Variants in LRRC63 observed in about 807,000 individuals in gnomAD.
LRRC63 encodes the protein leucine rich repeat containing 63.
In LRRC63, 40 loss-of-function variants were observed where a neutral mutation model predicts 49.5. That is an observed-to-expected ratio of 0.81 (90% CI 0.63 to 1.05). The LOEUF (loss-of-function observed/expected upper bound fraction) is 1.05. Ranked by LOEUF, LRRC63 falls within the 50% of genes least tolerant of loss-of-function variation. The probability of loss-of-function intolerance (pLI) is 0.00; values close to 1 mark genes in which losing one functional copy is unlikely to be tolerated. For synonymous variants in LRRC63, 191 were observed against 221.1 expected (o/e 0.86, Z 1.21); for missense variants, 636 against 663.1 (o/e 0.96, Z 0.45).
intron 2 of LRRC63, among the ~76,000 whole-genome samples, chr13:46,216,911 AT>A (rs1357421309): frequency 6.6e-6 from 1 of 152,108 alleles, no homozygotes; most frequent in Non-Finnish European, 1.5e-5. Flanking sequence ...ATGTTTATTG[AT>A]TTGATTTATG....
At chr13:46,245,788 AG>A (rs1243648241) in intron 5 of LRRC63, among the ~76,000 whole-genome samples, 1 of 152,214 alleles carries the variant, frequency 6.6e-6, no homozygotes, top group African/African-American at 2.4e-5. Context: ...AGATATAAAA[AG>A]GGGGTAAAGA....
chr13:46,214,112 G>A (rs139754136), intron 2 of LRRC63, among the ~76,000 whole-genome samples: 2 of 152,158 alleles, frequency 1.3e-5, no homozygotes, highest in African/African-American at 4.8e-5. Context: ...CTTATTATAA[G>A]CAATACAATT....
intron 2 of LRRC63, among the ~76,000 whole-genome samples, chr13:46,220,031 T>C (rs544729841): frequency 1.3e-5 from 2 of 152,318 alleles, no homozygotes; most frequent in South Asian, 2.1e-4. Context: ...TTGTATGAGA[T>C]GTCTGTCGAC....
chr13:46,269,100 A>G (rs7984737), intron 9 of LRRC63, among the ~76,000 whole-genome samples: 21,413 of 152,046 alleles, frequency 0.14, 2,244 homozygotes, highest in African/African-American at 0.29. Flanking sequence ...TAGAGCTATA[A>G]ATTCAATGCG....
At chr13:46,213,251 ATCC>A in intron 2 of LRRC63, 132 bp downstream of exon 2, 1 of 613,168 alleles carries the variant, frequency 1.6e-6, no homozygotes, top group Non-Finnish European at 2.8e-6. Context: ...AGGTGATAAC[ATCC>A]AATTCAATTC....
intron 2 of LRRC63, among the ~76,000 whole-genome samples, chr13:46,218,204 T>TA (rs2046309077): frequency 6.6e-6 from 1 of 152,226 alleles, no homozygotes; most frequent in South Asian, 2.1e-4. Context: ...AGTGGGGTGT[T>TA]AAAGTCTCCC....
At chr13:46,246,462 T>C (rs7988548) in intron 5 of LRRC63, 65 bp from the exon 6 acceptor site, 25 of 704,686 alleles carry the variant, frequency 3.5e-5, no homozygotes, top group African/African-American at 3.0e-4. Context: ...TTTGTTTTAC[T>C]CTTGTATAAA....
At chr13:46,227,160 T>C (rs1158569986) in intron 2 of LRRC63, among the ~76,000 whole-genome samples, 1 of 152,198 alleles carries the variant, frequency 6.6e-6, no homozygotes. Flanking sequence ...TAGCAAAACT[T>C]CATCAATTGT....
intron 2 of LRRC63, among the ~76,000 whole-genome samples, chr13:46,214,939 A>T (rs375545272): frequency 6.6e-6 from 1 of 152,212 alleles, no homozygotes; most frequent in Admixed American, 6.5e-5. Context: ...AAAGGACATA[A>T]TCTCATTCCT....
At chr13:46,240,283 C>T (rs1450469916) in intron 5 of LRRC63, among the ~76,000 whole-genome samples, 3 of 146,784 alleles carry the variant, frequency 2.0e-5, no homozygotes, top group Non-Finnish European at 4.4e-5. Context: ...CCTGCCACCA[C>T]GCTTGGCTAA....
rs925130051 is a variant in LRRC63, at chr13:46,255,797, G to A, written c.1226+5306G>A. ...GATTTAAAGTGTTTAACAAATATAC[G>A]CACCCATATAACTACTATCCAAAAC... On this transcript the variant is annotated intron_variant, in intron 7 of 9. Transcript: ENST00000595396. 3.3e-4 allele frequency among the ~76,000 whole-genome samples: 50 copies of A among 151,792 alleles called. 1 individual carries two copies. The highest frequency in any genetic ancestry group is 1.1e-3 in the African/African-American group (46 of 41,334).
rs575654840 is a variant in LRRC63, at chr13:46,238,090, A to G, written c.990+3741A>G. The stretch of plus-strand genomic sequence containing the variant: ...TACATAATGTTAAGGGCTCAATTCA[A>G]CAAGAAGACATAACTATCCTAAATA... On this transcript the variant is annotated intron_variant, in intron 5 of 9. Transcript: ENST00000595396. 6.6e-5 allele frequency among the ~76,000 whole-genome samples: 10 copies of G among 152,326 alleles called. No individual in the cohort carries two copies. In the South Asian group the frequency reaches 1.7e-3, roughly 25 times the overall value.
chr13:46,211,931 G>A (rs1593982617), upstream of LRRC63: 1 of 152,988 alleles, frequency 6.5e-6, no homozygotes, highest in African/African-American at 2.4e-5. Flanking sequence ...CGCGTCAAGT[G>A]GCTGGGCTGG....
At chr13:46,251,435 T>A (rs2047378923) in intron 7 of LRRC63, among the ~76,000 whole-genome samples, 1 of 151,920 alleles carries the variant, frequency 6.6e-6, no homozygotes, top group Non-Finnish European at 1.5e-5. Flanking sequence ...GGGTATTTTA[T>A]TTCTGTTTGA....
intron 7 of LRRC63, among the ~76,000 whole-genome samples, chr13:46,255,265 T>G (rs768841690): frequency 1.7e-4 from 26 of 152,108 alleles, no homozygotes; most frequent in Non-Finnish European, 2.5e-4. Flanking sequence ...GGCTCAGGTA[T>G]AGCAGAGAGG....
intron 5 of LRRC63, among the ~76,000 whole-genome samples, chr13:46,236,243 G>C (rs2046900984): frequency 6.6e-6 from 1 of 151,820 alleles, no homozygotes; most frequent in South Asian, 2.1e-4. Context: ...AGAGAGGAAA[G>C]GGCAGAAAAA....
In LRRC63 at chr13:46,228,149, A is replaced by T; in HGVS notation, c.723A>T (p.Thr241=). 3 of 1,549,866 alleles carry T rather than the reference A, an allele frequency of 1.9e-6. No homozygotes were observed. In the South Asian group the frequency reaches 3.6e-5, roughly 18 times the overall value. The stretch of plus-strand genomic sequence containing the variant: ...TTCCAGGTTTTGTTTCCTTGCCAAC[A>T]CCAGTTTTACCAAGAAAACCTCACA... The change falls in exon 3 of 10, where the codon ACA becomes ACT. Residue 241 remains threonine, a synonymous_variant. Transcript: ENST00000595396.
chr13:46,226,214 C>T (rs970460930), intron 2 of LRRC63, among the ~76,000 whole-genome samples: 3 of 151,938 alleles, frequency 2.0e-5, no homozygotes, highest in African/African-American at 7.3e-5. Flanking sequence ...GAACTCCTGG[C>T]CTCAAGCGAT....
intron 7 of LRRC63, among the ~76,000 whole-genome samples, chr13:46,260,022 C>T (rs2047588711): frequency 6.6e-6 from 1 of 152,144 alleles, no homozygotes; most frequent in Non-Finnish European, 1.5e-5. Flanking sequence ...ACTGGTGGGA[C>T]ATAGAGTATC....
Sources: allele counts gnomAD v4.1 joint callset (sites outside exome capture counted in the v4.1 genomes callset), GRCh38; gene constraint gnomAD v4.1.1; transcripts MANE v1.5; gene names NCBI Gene and HGNC (gene_info 2026-07-23, HGNC 2026-07-21).